Variants in ADGRL3 observed in about 807,000 individuals in gnomAD.
ADGRL3 encodes the protein calcium-independent alpha-latrotoxin receptor 3.
A neutral mutation model predicts 153.5 loss-of-function variants in ADGRL3; 62 were observed. The ratio of observed to expected loss-of-function variants is 0.40; its 90% CI spans 0.33 to 0.50. The LOEUF is 0.50. ADGRL3 is among the 20% of genes least tolerant of loss of function. ADGRL3 has a pLI of 0.47. For synonymous variants in ADGRL3, 710 were observed against 672.5 expected (o/e 1.06, Z -0.86); for missense variants, 1,641 against 1,859.4 (o/e 0.88, Z 2.16).
intron 8 of ADGRL3, among the ~76,000 whole-genome samples, chr4:61,772,271 G>A (rs2097095831): frequency 6.6e-6 from 1 of 152,144 alleles, no homozygotes; most frequent in African/African-American, 2.4e-5. Flanking sequence ...GCCACTGCAG[G>A]TAGAGATCCA....
chr4:61,646,611 A>T (rs2150306895), intron 5 of ADGRL3, among the ~76,000 whole-genome samples: 2 of 151,932 alleles, frequency 1.3e-5, no homozygotes, highest in Middle Eastern at 6.8e-3. Flanking sequence ...TCAGGGACCC[A>T]CTTGAGGAGG....
At chr4:61,758,644 C>G (rs982755669) in intron 8 of ADGRL3, among the ~76,000 whole-genome samples, 1 of 152,118 alleles carries the variant, frequency 6.6e-6, no homozygotes, top group Non-Finnish European at 1.5e-5. Flanking sequence ...GTTTACCAGT[C>G]TGTGTCTTTT....
At chr4:61,798,502 C>T (rs76421192) in intron 8 of ADGRL3, among the ~76,000 whole-genome samples, 1 of 152,080 alleles carries the variant, frequency 6.6e-6, no homozygotes, top group Admixed American at 6.6e-5. Context: ...ACTCTTTTTG[C>T]CAAATGATTC....
In ADGRL3 at chr4:61,895,466, AAAT is replaced by A. The variant is rs10603633; in HGVS notation, c.1784-233_1784-231del. ...GGGCAACAGAACAAGACTCCATCTC[AAAT>A]AATAATAATAATAATAATAATAATA... On this transcript the variant is annotated intron_variant, in intron 10 of 26. Coordinates refer to ENST00000683033, the MANE Select transcript of ADGRL3 (RefSeq NM_001387552.1). Among the ~76,000 whole-genome samples the A allele has an allele frequency of 2.5e-3, 371 of 148,210 alleles. 3 individuals are homozygous for A. The highest frequency in any genetic ancestry group is 0.011 in the Middle Eastern group (3 of 280).
chr4:61,377,381 G>T (rs1314901028), intron 1 of ADGRL3, among the ~76,000 whole-genome samples: 1 of 152,146 alleles, frequency 6.6e-6, no homozygotes, highest in East Asian at 1.9e-4. Flanking sequence ...ATTGACTAAG[G>T]TTTGAGGATC....
intron 1 of ADGRL3, chr4:61,211,980 A>C (rs556610584): frequency 6.6e-6 from 1 of 152,356 alleles, no homozygotes; most frequent in East Asian, 1.9e-4. Flanking sequence ...CTGATCTTCA[A>C]GGTTTAAATA....
intron 1 of ADGRL3, among the ~76,000 whole-genome samples, chr4:61,237,196 C>G (rs372836113): frequency 3.3e-5 from 5 of 152,178 alleles, no homozygotes; most frequent in African/African-American, 1.2e-4. Flanking sequence ...CATTTTCCAA[C>G]CGTATATATT....
At chr4:61,825,654 A>G (rs2097793812) in intron 9 of ADGRL3, among the ~76,000 whole-genome samples, 1 of 152,140 alleles carries the variant, frequency 6.6e-6, no homozygotes. Context: ...TGTCCTTCCT[A>G]AGGGCTCCAA....
chr4:61,203,738 C>T (rs1735865825), intron 1 of ADGRL3, among the ~76,000 whole-genome samples: 1 of 152,172 alleles, frequency 6.6e-6, no homozygotes, highest in South Asian at 2.1e-4. Context: ...ATTTTTCCAT[C>T]TGTAATGATT....
At chr4:62,006,033 T>TATATATATA (rs1491468575) in intron 21 of ADGRL3, among the ~76,000 whole-genome samples, 2 of 43,722 alleles carry the variant, frequency 4.6e-5, no homozygotes, top group Admixed American at 2.3e-4. Flanking sequence ...TATATATATA[T>TATATATATA]TTTTTTTTTT....
At chr4:61,383,554 A>C (rs1424871672) in intron 2 of ADGRL3, among the ~76,000 whole-genome samples, 1 of 151,762 alleles carries the variant, frequency 6.6e-6, no homozygotes, top group Non-Finnish European at 1.5e-5. Flanking sequence ...ATGTAGAATA[A>C]CCATATTGAG....
At chr4:61,623,054 A>G (rs1236070390) in intron 5 of ADGRL3, among the ~76,000 whole-genome samples, 1 of 152,160 alleles carries the variant, frequency 6.6e-6, no homozygotes, top group African/African-American at 2.4e-5. Context: ...AATGGTTTTG[A>G]AATCTCTCTA....
intron 1 of ADGRL3, among the ~76,000 whole-genome samples, chr4:61,352,577 G>A (rs1399728440): frequency 6.6e-6 from 1 of 151,936 alleles, no homozygotes; most frequent in Non-Finnish European, 1.5e-5. Flanking sequence ...TAGAGACAGG[G>A]TCTCACCATG....
chr4:61,469,774 A>G (rs2097923520), intron 2 of ADGRL3, among the ~76,000 whole-genome samples: 1 of 152,098 alleles, frequency 6.6e-6, no homozygotes. Context: ...GGGAACAAGT[A>G]GTATAGAAAT....
chr4:61,783,620 A>G (rs1053791218), intron 8 of ADGRL3, among the ~76,000 whole-genome samples: 4 of 152,090 alleles, frequency 2.6e-5, no homozygotes, highest in African/African-American at 9.7e-5. Context: ...ATGATATGCA[A>G]AATACTTTAC....
Position 61,892,963 on chromosome 4 carries a change from G to C in ADGRL3, c.1783+5G>C. On this transcript the variant is annotated splice_donor_5th_base_variant and intron_variant, in intron 10 of 26. Transcript: ENST00000683033. ...CATGCCCTGCAGGAACTATAGGTAA[G>C]TCTGTGCTAAAGCACTAAGTTAAAA... 6.6e-7 allele frequency: 1 copy of C among 1,506,148 alleles called. No individual in the cohort carries two copies. The highest frequency in any genetic ancestry group is 8.8e-7 in the Non-Finnish European group (1 of 1,129,998). 93.3% of individuals were successfully genotyped at this position (1,506,148 alleles called of 1,614,324 possible). A position where few individuals can be genotyped will look rare whatever the true frequency, so the allele number is the denominator to read the frequency against.
chr4:61,819,984 T>C (rs1349591780), intron 9 of ADGRL3, among the ~76,000 whole-genome samples: 1 of 152,122 alleles, frequency 6.6e-6, no homozygotes, highest in Non-Finnish European at 1.5e-5. Context: ...GGGTCACCAT[T>C]CTACCTCCTT....
At chr4:62,007,356 TTATATATATA>T (rs71666906) in intron 21 of ADGRL3, among the ~76,000 whole-genome samples, 13 of 30,918 alleles carry the variant, frequency 4.2e-4, no homozygotes, top group South Asian at 9.9e-4. Flanking sequence ...GACAAAATGA[TTATATATATA>T]TATATATATA....
chr4:62,036,525 T>C lies in ADGRL3; in HGVS notation c.3592-1206T>C, dbSNP rs1249363042. ...ATGTTCTGTCTTTAATTCTCCTATATCTTTGACACAATGAATTTTACAATA... is the reference window on the plus strand; with the variant it reads ...ATGTTCTGTCTTTAATTCTCCTATACCTTTGACACAATGAATTTTACAATA... On this transcript the variant is annotated intron_variant, in intron 23 of 26. Transcript: ENST00000683033. 2.6e-5 allele frequency among the ~76,000 whole-genome samples: 4 copies of C among 152,154 alleles called. No individual in the cohort carries two copies. The East Asian group carries it at 5.8e-4, about 22-fold the overall frequency.
Sources: allele counts gnomAD v4.1 joint callset (sites outside exome capture counted in the v4.1 genomes callset), GRCh38; gene constraint gnomAD v4.1.1; transcripts MANE v1.5; gene names NCBI Gene and HGNC (gene_info 2026-07-23, HGNC 2026-07-21).